SNRNP200: variants seen among roughly 807,000 people sequenced by gnomAD.
SNRNP200 encodes small nuclear ribonucleoprotein U5 subunit 200, also known as U5 small nuclear ribonucleoprotein 200 kDa helicase.
Under a neutral mutation model 255.2 loss-of-function variants are expected in SNRNP200, and 66 were observed. The ratio of observed to expected loss-of-function variants is 0.26; its 90% CI spans 0.21 to 0.32. SNRNP200 has a LOEUF of 0.32. Ranked by LOEUF, SNRNP200 falls within the 10% of genes least tolerant of loss-of-function variation. SNRNP200 has a pLI of 1.00. For missense variants in SNRNP200, 1,585 were observed against 2,749.8 expected, an observed-to-expected ratio of 0.58 and a Z score of 9.47; for synonymous variants, 939 against 1,027.8, an observed-to-expected ratio of 0.91 and a Z score of 1.65.
rs201771661 is a variant in SNRNP200, at chr2:96,278,608, G to A, written c.5427C>T (p.Asp1809=). Residue 1809 remains aspartate, a synonymous_variant, in exon 38 of 45, where the codon GAC becomes GAT. Transcript: ENST00000323853. This position sits in a 1 kb window ranked among gnomAD's most constrained non-coding sequence, Gnocchi z 6.9. ...SKCISIEDEM[D]VAPLNLGMIA... is the part of the protein sequence containing the mutation. ...TCATGCCTAGGTTCAGAGGCGCCACGTCCATCTCGTCCTCGATGCTGATGC... is the reference window on the plus strand; with the variant it reads ...TCATGCCTAGGTTCAGAGGCGCCACATCCATCTCGTCCTCGATGCTGATGC... The A allele has an allele frequency of 6.8e-6, 11 of 1,614,082 alleles. No homozygotes were observed. The highest frequency in any genetic ancestry group is 2.7e-5 in the African/African-American group (2 of 74,922).
chr2:96,290,873 C>T lies in SNRNP200; in HGVS notation c.2422-58G>A. 1 of 1,611,156 alleles carries T rather than the reference C, an allele frequency of 6.2e-7. No homozygotes were observed. ...AGATGCCATCACCAGGGGTTAATAT[C>T]CCTGGCTTCTCTAGGCAGTTGGCCT... On this transcript the variant is annotated intron_variant, in intron 18 of 44. Coordinates refer to ENST00000323853, the MANE Select transcript of SNRNP200 (RefSeq NM_014014.5). This position sits in a 1 kb window ranked among gnomAD's most constrained non-coding sequence, Gnocchi z 4.5.
chr2:96,293,602 T>C, intron 14 of SNRNP200, 93 bp from the exon 15 acceptor site: 2 of 1,196,938 alleles, frequency 1.7e-6, no homozygotes, highest in Non-Finnish European at 1.2e-6. Flanking sequence ...TATAACCTAA[T>C]ATGCCTAAGA....
chr2:96,303,915 C>A (rs1052597410), intron 2 of SNRNP200, among the ~76,000 whole-genome samples: 2 of 151,266 alleles, frequency 1.3e-5, no homozygotes, highest in African/African-American at 2.4e-5. Flanking sequence ...AAAGTACAAC[C>A]CTTCATACAT....
chr2:96,277,912 C>G lies in SNRNP200; in HGVS notation c.5649G>C (p.Lys1883Asn), dbSNP rs1377371259. ...TGGTCTTGACGTGCGGATCATTGAACTTAGGGTTATTCAGCTTGTGGGGGA... is the reference window on the plus strand; with the variant it reads ...TGGTCTTGACGTGCGGATCATTGAAGTTAGGGTTATTCAGCTTGTGGGGGA... ...QKVPHKLNNP[K>N]FNDPHVKTNL... Residue 1883 changes from lysine (K) to asparagine (N), a missense_variant, in exon 40 of 45, where the codon AAG (lysine) becomes AAC (asparagine). By Grantham distance (94) the Lys-to-Asn change is moderately conservative. Around this residue, in one of 9 missense-constraint regions of SNRNP200, gnomAD observed 279 missense variants for 551.2 expected, o/e 0.51. Transcript: ENST00000323853. This position sits in a 1 kb window ranked among gnomAD's most constrained non-coding sequence, Gnocchi z 4.4. 1.2e-6 allele frequency: 2 copies of G among 1,614,066 alleles called. No homozygotes were observed. The highest frequency in any genetic ancestry group is 1.7e-6 in the Non-Finnish European group (2 of 1,180,054).
chr2:96,289,792 C>G lies in SNRNP200; in HGVS notation c.2940+7G>C. The G allele has an allele frequency of 6.2e-7, 1 of 1,613,824 alleles. No individual in the cohort carries two copies. The highest frequency in any genetic ancestry group is 8.5e-7 in the Non-Finnish European group (1 of 1,179,986). On this transcript the variant is annotated splice_region_variant and intron_variant, in intron 21 of 44. Transcript: ENST00000323853. Reference sequence around the variant, plus strand: ...GACCTTTGCCTCAAAACCCTCACCCCACGCACCTGGAAGTTGCCCGTCTTC... The same window carrying G: ...GACCTTTGCCTCAAAACCCTCACCCGACGCACCTGGAAGTTGCCCGTCTTC...
At chr2:96,295,382 G>A (rs1194580969) in intron 14 of SNRNP200, 106 bp downstream of exon 14, 1 of 1,488,352 alleles carries the variant, frequency 6.7e-7, no homozygotes, top group South Asian at 1.1e-5. Context: ...TCATTACAAA[G>A]GCTAGTGCCT....
intron 4 of SNRNP200, 110 bp downstream of exon 4, chr2:96,301,414 T>C: frequency 8.7e-7 from 1 of 1,143,968 alleles, no homozygotes; most frequent in Non-Finnish European, 1.3e-6. Context: ...CAGAACAGAT[T>C]ATGGGAACTC....
At chr2:96,288,051 C>T in intron 24 of SNRNP200, 82 bp from the exon 25 acceptor site, 2 of 1,275,520 alleles carry the variant, frequency 1.6e-6, no homozygotes, top group Non-Finnish European at 2.3e-6. Context: ...GGTTTCATTA[C>T]CTCCAGCTCT....
intron 43 of SNRNP200, chr2:96,276,475 G>A (rs1684663023): frequency 1.3e-5 from 3 of 226,372 alleles, no homozygotes; most frequent in Middle Eastern, 1.9e-3. Context: ...GGGCTGGTGT[G>A]CAGTGGGGCA....
In SNRNP200 at chr2:96,295,560, G is replaced by A. The variant is rs767156266; in HGVS notation, c.1770C>T (p.Pro590=). ...TGCGGGTGATGATGTCCCACTTCTC[G>A]GGGGTGCAGACGATGATCTGAGTGG... The part of the protein sequence containing the change: ...ISATQIIVCT[P]EKWDIITRKG... The change falls in exon 14 of 45, where the codon CCC becomes CCT. Residue 590 remains proline (P), a synonymous_variant. Transcript: ENST00000323853. 68 of 1,613,776 alleles carry A rather than the reference G, an allele frequency of 4.2e-5. No homozygotes were observed. The East Asian group carries it at 4.9e-4, about 12-fold the overall frequency.
rs754496426 is a variant in SNRNP200 at position 96,278,191 on chromosome 2, G to A, written c.5610+46C>T. 9.3e-6 allele frequency: 15 copies of A among 1,613,778 alleles called. No homozygotes were observed. The highest frequency in any genetic ancestry group is 8.3e-5 in the Admixed American group (5 of 60,020). ...GCCATGTGCTCTGGGCACACAGGCC[G>A]AGTTTGTTGTTCCCAGGATGCTCTC... On this transcript the variant is annotated intron_variant, in intron 39 of 44. Transcript: ENST00000323853. This position sits in a 1 kb window ranked among gnomAD's most constrained non-coding sequence, Gnocchi z 6.9.
Position 96,286,550 on chromosome 2 carries a change from C to T in SNRNP200, c.3830-66G>A, listed in dbSNP as rs892634081. ...TTTCCCTCACTGGCCTCTAGATCCC[C>T]TCCATGAACACTGGAAACCTAGGCA... On this transcript the variant is annotated intron_variant, in intron 28 of 44. Transcript: ENST00000323853. The surrounding 1 kb of genome is among the most constrained non-coding windows in gnomAD (Gnocchi z 4.8). 17 of 1,602,274 alleles carry T rather than the reference C, an allele frequency of 1.1e-5. No homozygotes were observed. In the African/African-American group the frequency reaches 2.3e-4, roughly 21 times the overall value.
At position 96,283,657 on chromosome 2, in the gene SNRNP200, G is replaced by A; in HGVS notation, c.4641C>T (p.Tyr1547=). ...TGGGCGAGTGCTTGGTGATAGCATGGTACACAGGCTTGGCCATGGAGAGCA... is the reference window on the plus strand; with the variant it reads ...TGGGCGAGTGCTTGGTGATAGCATGATACACAGGCTTGGCCATGGAGAGCA... ...TRLLSMAKPV[Y]HAITKHSPKK... is the part of the protein sequence containing the mutation. The change falls in exon 33 of 45, where the codon TAC becomes TAT. Residue 1547 remains tyrosine (Y), a synonymous_variant. Coordinates refer to ENST00000323853, the MANE Select transcript of SNRNP200 (RefSeq NM_014014.5). The surrounding 1 kb of genome is among the most constrained non-coding windows in gnomAD (Gnocchi z 4.7). 2 of 1,614,148 alleles carry A rather than the reference G, an allele frequency of 1.2e-6. No individual in the cohort carries two copies. The highest frequency in any genetic ancestry group is 1.7e-6 in the Non-Finnish European group (2 of 1,180,046).
Position 96,293,819 on chromosome 2 carries a change from T to C in SNRNP200, c.1843-310A>G, listed in dbSNP as rs1469013946. Among the ~76,000 whole-genome samples, 18 of 152,342 alleles carry C rather than the reference T, an allele frequency of 1.2e-4. No individual in the cohort carries two copies. The East Asian group carries it at 3.5e-3, about 29-fold the overall frequency. ...TTCTTTATGAAAAAGGATATAAATA[T>C]GATCTGATCAGAAGCTTCACCTCTG... is the stretch of plus-strand genomic sequence containing the variant. On this transcript the variant is annotated intron_variant, in intron 14 of 44. Coordinates refer to ENST00000323853, the MANE Select transcript of SNRNP200 (RefSeq NM_014014.5).
chr2:96,283,228 G>A lies in SNRNP200; in HGVS notation c.4888C>T (p.Arg1630Cys), dbSNP rs2063816366. 3.7e-6 allele frequency: 6 copies of A among 1,614,172 alleles called. No homozygotes were observed. Among genetic ancestry groups the A allele is most frequent in the Non-Finnish European group, 5.1e-6 (6 of 1,180,040 alleles). The change falls in exon 34 of 45, where the codon CGC becomes TGC. Residue 1630 changes from arginine to cysteine, a missense_variant. Transcript: ENST00000323853. The surrounding 1 kb of genome is among the most constrained non-coding windows in gnomAD (Gnocchi z 4.7). Reference sequence around the variant, plus strand: ...GAGCTGAAGAGCTGCTCCACCAGGCGTCGCTCCATGGGGCTGAGCCCCTCA... The same window carrying A: ...GAGCTGAAGAGCTGCTCCACCAGGCATCGCTCCATGGGGCTGAGCCCCTCA... ...LHEGLSPMER[R>C]LVEQLFSSGA...
At position 96,278,225 on chromosome 2, in the gene SNRNP200, T is replaced by C; in HGVS notation, c.5610+12A>G. 6.2e-7 allele frequency: 1 copy of C among 1,614,208 alleles called. No homozygotes were observed. On this transcript the variant is annotated intron_variant, in intron 39 of 44. Transcript: ENST00000323853. The surrounding 1 kb of genome is among the most constrained non-coding windows in gnomAD (Gnocchi z 6.9). ...GTTCCCAGGATGCTCTCCTGAAGTC[T>C]GCTGTCCTCACCTGCCTCAGGAGAT...
rs1444080629 is a variant in SNRNP200, at chr2:96,297,003, T to C, written c.1445A>G (p.Asn482Ser). 4 of 1,614,126 alleles carry C rather than the reference T, an allele frequency of 2.5e-6. No homozygotes were observed. Among genetic ancestry groups the C allele is most frequent in the Non-Finnish European group, 3.4e-6 (4 of 1,180,042 alleles). The change falls in exon 12 of 45, where the codon AAT becomes AGT. Residue 482 changes from asparagine (N) to serine (S), a missense_variant. By Grantham distance (46) the Asn-to-Ser change is conservative. Around this residue, in one of 9 missense-constraint regions of SNRNP200, gnomAD observed 383 missense variants for 645.3 expected, o/e 0.59. Transcript: ENST00000323853. The stretch of plus-strand genomic sequence containing the variant: ...ACGGTAGAGCTTACTCTGGATCCGA[T>C]TCAGTGTTTTGAAGCCCTCAAACCC... Reference protein sequence around the residue: ...QAGFEGFKTLNRIQSKLYRAA... With the variant: ...QAGFEGFKTLSRIQSKLYRAA...
intron 14 of SNRNP200, 128 bp downstream of exon 14, chr2:96,295,360 T>C (rs776384425): frequency 5.2e-5 from 76 of 1,469,300 alleles, no homozygotes; most frequent in Non-Finnish European, 6.4e-5. Flanking sequence ...TCCTACGGAA[T>C]TGGAGGACTA....
Position 96,291,663 on chromosome 2 carries a change from A to T in SNRNP200, c.2310+88T>A. On this transcript the variant is annotated intron_variant, in intron 17 of 44. Coordinates refer to ENST00000323853, the MANE Select transcript of SNRNP200 (RefSeq NM_014014.5). This position sits in a 1 kb window ranked among gnomAD's most constrained non-coding sequence, Gnocchi z 4.2. Reference sequence around the variant, plus strand: ...TTAACCCATGGGAAACAACAATACCACAGTACAGTCCTAGAGGAGCTGTCT... The same window carrying T: ...TTAACCCATGGGAAACAACAATACCTCAGTACAGTCCTAGAGGAGCTGTCT... 1 of 1,466,844 alleles carries T rather than the reference A, an allele frequency of 6.8e-7. No homozygotes were observed. The highest frequency in any genetic ancestry group is 9.5e-7 in the Non-Finnish European group (1 of 1,049,530). 90.9% of individuals were successfully genotyped at this position (1,466,844 alleles called of 1,614,324 possible).
Sources: gnomAD v4.1 joint callset for allele counts (sites outside exome capture counted in the v4.1 genomes callset) on GRCh38, gnomAD v4.1.1 for gene constraint, gnomAD v4.1.1 regional missense constraint, Gnocchi (gnomAD v3.1) non-coding constraint, MANE v1.5 for transcripts, NCBI Gene and HGNC (gene_info 2026-07-23, HGNC 2026-07-21) for gene names.